The following GRM8 variants were observed in gnomAD, a reference collection of about 807,000 sequenced individuals.
GRM8 encodes the protein glutamate metabotropic receptor 8.
A neutral mutation model predicts 87.2 loss-of-function variants in GRM8; 47 were observed. The observed-to-expected ratio is 0.54, with a 90% CI of 0.43 to 0.69. The LOEUF is 0.69. Ranked by LOEUF, GRM8 falls within the 30% of genes least tolerant of loss-of-function variation. The pLI is 0.00. For synonymous variants in GRM8, 396 were observed against 404.5 expected (o/e 0.98, Z 0.25); for missense variants, 1,019 against 1,139.2 (o/e 0.89, Z 1.52).
intron 3 of GRM8, among the ~76,000 whole-genome samples, chr7:127,046,321 G>C (rs1019384928): frequency 6.6e-6 from 1 of 151,942 alleles, no homozygotes; most frequent in Non-Finnish European, 1.5e-5. Context: ...GCAGTGAGCC[G>C]AGGTCGCACC....
intron 6 of GRM8, among the ~76,000 whole-genome samples, chr7:126,779,740 T>C (rs778879102): frequency 6.6e-6 from 1 of 152,178 alleles, no homozygotes; most frequent in Non-Finnish European, 1.5e-5. Context: ...ACTGGTATAA[T>C]TTATAAATTT....
intron 6 of GRM8, among the ~76,000 whole-genome samples, chr7:126,842,114 T>C (rs1796321978): frequency 6.6e-6 from 1 of 152,162 alleles, no homozygotes; most frequent in Non-Finnish European, 1.5e-5. Flanking sequence ...AAATATGGTT[T>C]CTCTGCCTAC....
chr7:126,633,879 A>T lies in GRM8; in HGVS notation c.1358-24381T>A, dbSNP rs897792498. On this transcript the variant is annotated intron_variant, in intron 7 of 10. Coordinates refer to ENST00000339582, the MANE Select transcript of GRM8 (RefSeq NM_000845.3). ...AAGTCCCTATTTTATAATTAATTCC[A>T]TTTAGTTTTAATGCTAATTAAGAGA... 3.3e-5 allele frequency among the ~76,000 whole-genome samples: 5 copies of T among 151,966 alleles called. No individual in the cohort carries two copies. The East Asian group carries it at 5.8e-4, about 18-fold the overall frequency.
chr7:127,189,218 T>C (rs760343204), intron 2 of GRM8, among the ~76,000 whole-genome samples: 3 of 152,192 alleles, frequency 2.0e-5, no homozygotes, highest in Non-Finnish European at 4.4e-5. Context: ...TGTGTTTGTG[T>C]TTTCACTGTG....
intron 6 of GRM8, among the ~76,000 whole-genome samples, chr7:126,824,800 G>A: frequency 6.6e-6 from 1 of 152,042 alleles, no homozygotes; most frequent in Non-Finnish European, 1.5e-5. Context: ...TAAATTTTTT[G>A]GAATCTTTTG....
intron 3 of GRM8, among the ~76,000 whole-genome samples, chr7:126,974,961 A>AC (rs1810831138): frequency 2.7e-5 from 4 of 149,876 alleles, no homozygotes; most frequent in Admixed American, 2.7e-4. Flanking sequence ...AAAAAAAAAA[A>AC]AAAAAAACCA....
intron 2 of GRM8, among the ~76,000 whole-genome samples, chr7:127,177,937 C>T (rs757326917): frequency 7.9e-5 from 12 of 152,144 alleles, no homozygotes; most frequent in South Asian, 4.1e-4. Context: ...GACAATACAA[C>T]GCTCTTCAAC....
chr7:126,605,827 G>T (rs538603834), intron 8 of GRM8, among the ~76,000 whole-genome samples: 1 of 152,278 alleles, frequency 6.6e-6, no homozygotes, highest in South Asian at 2.1e-4. Context: ...GGCCAGATTA[G>T]CAACCTCTCT....
intron 2 of GRM8, among the ~76,000 whole-genome samples, chr7:127,132,797 T>C (rs1033243443): frequency 5.3e-5 from 8 of 152,122 alleles, no homozygotes; most frequent in Non-Finnish European, 1.2e-4. Flanking sequence ...GACATGCTTC[T>C]GTGGCTAGAG....
chr7:127,120,703 T>A (rs192392889), intron 2 of GRM8, among the ~76,000 whole-genome samples: 35 of 152,354 alleles, frequency 2.3e-4, no homozygotes, highest in Middle Eastern at 3.4e-3. Flanking sequence ...GCTCTGGATG[T>A]TGTCATCATG....
At chr7:126,940,801 G>C (rs1187324866) in intron 3 of GRM8, among the ~76,000 whole-genome samples, 4 of 152,126 alleles carry the variant, frequency 2.6e-5, no homozygotes, top group Non-Finnish European at 4.4e-5. Context: ...GGATGCTTTT[G>C]GATTTGTCCA....
chr7:127,248,318 A>C (rs1798684498), intron 1 of GRM8, among the ~76,000 whole-genome samples: 1 of 152,226 alleles, frequency 6.6e-6, no homozygotes, highest in African/African-American at 2.4e-5. Context: ...TCAGGATCTA[A>C]GGAACCTGAA....
chr7:126,453,063 T>G (rs1584657764), intron 9 of GRM8, among the ~76,000 whole-genome samples: 1 of 136,800 alleles, frequency 7.3e-6, no homozygotes, highest in South Asian at 2.4e-4. Flanking sequence ...TTAGCCTTTA[T>G]AGCAGAAACA....
At chr7:126,752,141 G>A (rs1313446915) in intron 7 of GRM8, among the ~76,000 whole-genome samples, 4 of 152,042 alleles carry the variant, frequency 2.6e-5, no homozygotes, top group African/African-American at 9.7e-5. Context: ...TCATTAAAAT[G>A]GCTATATTGG....
intron 6 of GRM8, among the ~76,000 whole-genome samples, chr7:126,781,804 C>G (rs1387351388): frequency 6.6e-6 from 1 of 152,082 alleles, no homozygotes; most frequent in Non-Finnish European, 1.5e-5. Flanking sequence ...TAGCCTTGAC[C>G]TCCTGGGCTC....
intron 7 of GRM8, among the ~76,000 whole-genome samples, chr7:126,747,462 T>C (rs1815829493): frequency 6.6e-6 from 1 of 152,010 alleles, no homozygotes; most frequent in Non-Finnish European, 1.5e-5. Context: ...AAAGATTTTA[T>C]AATCAAGACC....
intron 8 of GRM8, among the ~76,000 whole-genome samples, chr7:126,596,396 C>A (rs1797204046): frequency 1.3e-5 from 2 of 152,122 alleles, no homozygotes; most frequent in South Asian, 4.1e-4. Flanking sequence ...ATCTGCATTT[C>A]TCTAATGATT....
intron 7 of GRM8, among the ~76,000 whole-genome samples, chr7:126,623,265 T>A (rs1426323302): frequency 1.3e-5 from 2 of 152,214 alleles, no homozygotes; most frequent in Admixed American, 6.5e-5. Flanking sequence ...ATGTTCAGAT[T>A]TTTTGTAAAT....
At position 126,456,519 on chromosome 7, in the gene GRM8, T is replaced by TAAAAAAAAAAAAAAAAAAAAAAAAAAAA. The variant is rs513; in HGVS notation, c.2431-10148_2431-10147insTTTTTTTTTTTTTTTTTTTTTTTTTTTT. On this transcript the variant is annotated intron_variant, in intron 9 of 10. Coordinates refer to ENST00000339582, the MANE Select transcript of GRM8 (RefSeq NM_000845.3). ...TCCTAAGTGTAAGAAAGCAGCAAGCTAAAAAAAAAAAAAAAAAAAAAAAAA... is the reference window on the plus strand; with the variant it reads ...TCCTAAGTGTAAGAAAGCAGCAAGCTAAAAAAAAAAAAAAAAAAAAAAAAAAAAAAAAAAAAAAAAAAAAAAAAAAAAA... 5.2e-4 allele frequency among the ~76,000 whole-genome samples: 36 copies of TAAAAAAAAAAAAAAAAAAAAAAAAAAAA among 69,694 alleles called. 3 individuals carry two copies. The highest frequency in any genetic ancestry group is 1.3e-3 in the African/African-American group (16 of 12,064). 45.7% of individuals were successfully genotyped at this position (69,694 alleles called of 152,430 possible). A position where few individuals can be genotyped will look rare whatever the true frequency, so the allele number is the denominator to read the frequency against.
Sources: gnomAD v4.1 joint callset for allele counts (sites outside exome capture counted in the v4.1 genomes callset) on GRCh38, gnomAD v4.1.1 for gene constraint, MANE v1.5 for transcripts, NCBI Gene and HGNC (gene_info 2026-07-23, HGNC 2026-07-21) for gene names.